The following CALB2 variants were observed in gnomAD, a reference collection of about 807,000 sequenced individuals.
CALB2 encodes the protein calbindin 2.
A neutral mutation model predicts 45.9 loss-of-function variants in CALB2; 34 were observed. The observed-to-expected ratio is 0.74, with a 90% CI of 0.56 to 0.99. The LOEUF is 0.99. Ranked by LOEUF, CALB2 falls within the 50% of genes least tolerant of loss-of-function variation. CALB2 has a pLI of 0.00. For missense variants in CALB2, 344 were observed against 339.3 expected (o/e 1.01, Z -0.11); for synonymous variants, 142 against 129.6 (o/e 1.10, Z -0.65).
At chr16:71,370,909 C>T (rs144068474) in intron 1 of CALB2, among the ~76,000 whole-genome samples, 8 of 152,204 alleles carry the variant, frequency 5.3e-5, no homozygotes, top group African/African-American at 9.6e-5. Context: ...AGGCTCAAGG[C>T]GTGAGAGCCT....
intron 3 of CALB2, among the ~76,000 whole-genome samples, chr16:71,377,407 T>C (rs2042428958): frequency 6.6e-6 from 1 of 152,152 alleles, no homozygotes; most frequent in Non-Finnish European, 1.5e-5. Context: ...TGAGTCTGGG[T>C]GCTTGCATTT....
At chr16:71,372,896 A>T (rs2042369223) in intron 2 of CALB2, among the ~76,000 whole-genome samples, 1 of 152,172 alleles carries the variant, frequency 6.6e-6, no homozygotes, top group Admixed American at 6.5e-5. Flanking sequence ...AAAATTGAGG[A>T]TTGCTCTCAG....
At chr16:71,384,870 A>G (rs771194791) in intron 9 of CALB2, 34 bp downstream of exon 9, 1 of 1,596,396 alleles carries the variant, frequency 6.3e-7, no homozygotes, top group Non-Finnish European at 8.6e-7. Flanking sequence ...AGGGAAAATC[A>G]GAAGCCCATC....
rs1326555788 is a variant in CALB2 at position 71,385,652 on chromosome 16, A to G, written c.699+4A>G. 6.2e-7 allele frequency: 1 copy of G among 1,613,472 alleles called. No homozygotes were observed. On this transcript the variant is annotated splice_donor_region_variant and intron_variant, in intron 10 of 10. Transcript: ENST00000302628. ...TCTGTACGAGAAAAACAAAAAGGTGAGCAGCCAAGCCTGAGGCCCGGCCAC... is the reference window on the plus strand; with the variant it reads ...TCTGTACGAGAAAAACAAAAAGGTGGGCAGCCAAGCCTGAGGCCCGGCCAC...
intron 1 of CALB2, among the ~76,000 whole-genome samples, chr16:71,363,887 G>T (rs558230774): frequency 6.6e-5 from 10 of 152,172 alleles, no homozygotes; most frequent in Non-Finnish European, 1.2e-4. Context: ...GTTGTCAGAG[G>T]AGCGCTTTCT....
rs541751223 is a variant in CALB2, at chr16:71,390,182, G to C, written c.*317G>C. The C allele has an allele frequency of 3.5e-5, 9 of 257,278 alleles. No homozygotes were observed. In the East Asian group the frequency reaches 6.7e-4, roughly 19 times the overall value. The allele number at this position is 257,278 out of a possible 1,614,324, so 15.9% of individuals were successfully genotyped here. A position where few individuals can be genotyped will look rare whatever the true frequency, so the allele number is the denominator to read the frequency against. On this transcript the variant is annotated 3_prime_UTR_variant, in exon 11 of 11. Coordinates refer to ENST00000302628, the MANE Select transcript of CALB2 (RefSeq NM_001740.5). The stretch of plus-strand genomic sequence containing the variant: ...CTCGCTGTATGATTTAGGCTTCTAT[G>C]TCCAACAGAGTGGACTCTTCCCTCT...
intron 1 of CALB2, among the ~76,000 whole-genome samples, chr16:71,361,557 T>A (rs985308089): frequency 2.0e-5 from 3 of 152,016 alleles, no homozygotes; most frequent in Admixed American, 2.0e-4. Context: ...GCTCTCCAGG[T>A]CCCTGGAGTG....
At chr16:71,361,068 C>T (rs2042233952) in intron 1 of CALB2, among the ~76,000 whole-genome samples, 1 of 152,144 alleles carries the variant, frequency 6.6e-6, no homozygotes, top group African/African-American at 2.4e-5. Flanking sequence ...TACCACCAAA[C>T]CCATGATCTT....
chr16:71,360,960 T>A (rs940620743), intron 1 of CALB2, among the ~76,000 whole-genome samples: 1 of 152,092 alleles, frequency 6.6e-6, no homozygotes, highest in African/African-American at 2.4e-5. Flanking sequence ...CTCCCTCCCA[T>A]TCCCCCAAAG....
chr16:71,366,020 CTCTCTTTTT>C, intron 1 of CALB2, among the ~76,000 whole-genome samples: 1 of 28,874 alleles, frequency 3.5e-5, no homozygotes, highest in African/African-American at 1.4e-4. Context: ...TTCCCTCTCT[CTCTCTTTTT>C]TTTTTTTTTT....
intron 4 of CALB2, among the ~76,000 whole-genome samples, chr16:71,379,192 G>C (rs547225990): frequency 6.6e-6 from 1 of 151,952 alleles, no homozygotes; most frequent in Non-Finnish European, 1.5e-5. Flanking sequence ...CAGGAGAATC[G>C]CTTGAACCAG....
At position 71,384,013 on chromosome 16, in the gene CALB2, C is replaced by T. The variant is rs1254385556; in HGVS notation, c.521C>T (p.Ser174Leu). The T allele has an allele frequency of 6.2e-7, 1 of 1,613,888 alleles. No homozygotes were observed. The highest frequency in any genetic ancestry group is 8.5e-7 in the Non-Finnish European group (1 of 1,179,872). ...AACGGGGATGGCAAATTGGGCCTCT[C>T]AGAGATGTCCCGGTAAGCACCTCAC... is the stretch of plus-strand genomic sequence containing the variant. ...DLNGDGKLGL[S>L]EMSRLLPVQE... Residue 174 changes from serine (S) to leucine (L), a missense_variant, in exon 7 of 11, where the codon TCA becomes TTA. Transcript: ENST00000302628.
intron 1 of CALB2, among the ~76,000 whole-genome samples, chr16:71,366,287 A>C (rs2042286859): frequency 7.0e-6 from 1 of 141,906 alleles, no homozygotes; most frequent in South Asian, 2.2e-4. Context: ...AGCCTCCCAA[A>C]GTGCTGGGAT....
chr16:71,389,306 G>T (rs1198621610), intron 10 of CALB2, among the ~76,000 whole-genome samples: 1 of 152,246 alleles, frequency 6.6e-6, no homozygotes, highest in Non-Finnish European at 1.5e-5. Context: ...ATCACCTGCA[G>T]TGAGCCAGTT....
chr16:71,360,881 T>A (rs926572577), intron 1 of CALB2, among the ~76,000 whole-genome samples: 3 of 152,162 alleles, frequency 2.0e-5, no homozygotes, highest in African/African-American at 7.2e-5. Context: ...GCGTTTATTC[T>A]CCCACTCTGG....
At position 71,383,952 on chromosome 16, in the gene CALB2, C is replaced by T. The variant is rs767456333; in HGVS notation, c.478-18C>T. 2 of 1,613,804 alleles carry T rather than the reference C, an allele frequency of 1.2e-6. No homozygotes were observed. Among genetic ancestry groups the T allele is most frequent in the Admixed American group, 1.7e-5 (1 of 59,982 alleles). On this transcript the variant is annotated intron_variant, in intron 6 of 10. Transcript: ENST00000302628. Reference sequence around the variant, plus strand: ...AAATTCACAGCAAATAACCCAGGCACCTTTCTGTCCCCAACAGCTACGGAT... The same window carrying T: ...AAATTCACAGCAAATAACCCAGGCATCTTTCTGTCCCCAACAGCTACGGAT...
chr16:71,364,602 T>A (rs2042263856), intron 1 of CALB2, among the ~76,000 whole-genome samples: 1 of 152,128 alleles, frequency 6.6e-6, no homozygotes, highest in Non-Finnish European at 1.5e-5. Flanking sequence ...TCTCACCCAA[T>A]CTGCCCTATC....
rs916109914 is a variant in CALB2, at chr16:71,380,709, T to A, written c.343-2010T>A. Among the ~76,000 whole-genome samples, 11 of 152,212 alleles carry A rather than the reference T, an allele frequency of 7.2e-5. No individual in the cohort carries two copies. In the South Asian group the frequency reaches 2.3e-3, roughly 32 times the overall value. ...TTTCTGGGACCCCACCCTCCCACAG[T>A]ACTGTCCCACTGTCCCCTCCTGGGG... On this transcript the variant is annotated intron_variant, in intron 4 of 10. Transcript: ENST00000302628.
Position 71,372,765 on chromosome 16 carries a change from A to AAAATGTCTCCAAACATTGCC in CALB2, c.171+544_171+563dup, listed in dbSNP as rs1444094588. ...ATCCTCCTTCAAGCTGTGACCATCA[A>AAAATGTCTCCAAACATTGCC]AAATGTCTCCAAACATTGCCAAATG... On this transcript the variant is annotated intron_variant, in intron 2 of 10. Transcript: ENST00000302628. Among the ~76,000 whole-genome samples, 3 of 152,340 alleles carry AAAATGTCTCCAAACATTGCC rather than the reference A, an allele frequency of 2.0e-5. No homozygotes were observed. In the South Asian group the frequency reaches 6.2e-4, roughly 32 times the overall value.
Sources: allele counts gnomAD v4.1 joint callset (sites outside exome capture counted in the v4.1 genomes callset), GRCh38; gene constraint gnomAD v4.1.1; transcripts MANE v1.5; gene names NCBI Gene and HGNC (gene_info 2026-07-23, HGNC 2026-07-21).